Variants in CEP170 observed in about 807,000 individuals in gnomAD.
CEP170 encodes the protein centrosomal protein 170, also known as centrosomal protein of 170 kDa.
Under a neutral mutation model 151.9 loss-of-function variants are expected in CEP170, and 21 were observed. The ratio of observed to expected loss-of-function variants is 0.14; its 90% confidence interval spans 0.10 to 0.20. The LOEUF is 0.20. Ranked by LOEUF, CEP170 falls within the 10% of genes least tolerant of loss-of-function variation. The pLI is 1.00. For synonymous variants in CEP170, 356 were observed against 648.8 expected, an observed-to-expected ratio of 0.55 and a Z score of 6.86; for missense variants, 964 against 1,892.9, an observed-to-expected ratio of 0.51 and a Z score of 9.11.
chr1:243,171,864 A>G (rs2058869245), intron 11 of CEP170, among the ~76,000 whole-genome samples: 2 of 152,236 alleles, frequency 1.3e-5, no homozygotes, highest in Admixed American at 6.5e-5. Context: ...CTTTGAGCTA[A>G]AAGTGGCAGC....
chr1:243,178,186 G>A lies in CEP170; in HGVS notation c.1567-5340C>T, dbSNP rs572462623. On this transcript the variant is annotated intron_variant, in intron 10 of 19. Coordinates refer to ENST00000366542, the MANE Select transcript of CEP170 (RefSeq NM_014812.3). ...TATACTAAAAATACAAAAATTAACC[G>A]GGCGTGGTGGCAAGTGCTTGTAGTC... Among the ~76,000 whole-genome samples the A allele has an allele frequency of 1.6e-4, 24 of 151,628 alleles. No individual in the cohort carries two copies. The East Asian group carries it at 1.7e-3, about 11-fold the overall frequency.
chr1:243,169,081 T>C (rs1209877488), intron 12 of CEP170: 1 of 153,708 alleles, frequency 6.5e-6, no homozygotes, highest in African/African-American at 2.4e-5. Context: ...TATTTCCTTA[T>C]CTTCAGTTAA....
Position 243,126,263 on chromosome 1 carries a change from T to C in CEP170, c.*186A>G. 1 of 732,020 alleles carries C rather than the reference T, an allele frequency of 1.4e-6. No individual in the cohort carries two copies. Among genetic ancestry groups the C allele is most frequent in the Non-Finnish European group, 2.4e-6 (1 of 408,604 alleles). 45.3% of individuals were successfully genotyped at this position (732,020 alleles called of 1,614,324 possible). A position where few individuals can be genotyped will look rare whatever the true frequency, so the allele number is the denominator to read the frequency against. On this transcript the variant is annotated 3_prime_UTR_variant, in exon 20 of 20. Coordinates refer to ENST00000366542, the MANE Select transcript of CEP170 (RefSeq NM_014812.3). ...TTCCTATTTGTGCATCAAGTGGTTATCTAAATAGTTTGAAAGGATTGATAT... is the reference window on the plus strand; with the variant it reads ...TTCCTATTTGTGCATCAAGTGGTTACCTAAATAGTTTGAAAGGATTGATAT...
chr1:243,160,688 A>G (rs553130964), intron 13 of CEP170, among the ~76,000 whole-genome samples: 4 of 152,282 alleles, frequency 2.6e-5, no homozygotes, highest in African/African-American at 9.6e-5. Context: ...ACATGTTTTG[A>G]ATGTATATTT....
At chr1:243,140,311 A>G in intron 15 of CEP170, 1 of 773,992 alleles carries the variant, frequency 1.3e-6, no homozygotes, top group Non-Finnish European at 1.8e-6. Flanking sequence ...TCATCTACAC[A>G]GGTTTTATTT....
intron 3 of CEP170, among the ~76,000 whole-genome samples, chr1:243,217,314 G>T (rs1427658754): frequency 6.6e-6 from 1 of 152,176 alleles, no homozygotes; most frequent in Non-Finnish European, 1.5e-5. Flanking sequence ...ACTAGATACA[G>T]TATTGAAGAG....
chr1:243,239,666 T>C (rs574933457), intron 1 of CEP170, among the ~76,000 whole-genome samples: 1 of 152,272 alleles, frequency 6.6e-6, no homozygotes, highest in East Asian at 1.9e-4. Flanking sequence ...CATAGTGAGC[T>C]TTCTCCAGCA....
At chr1:243,130,060 T>G (rs1363032163) in intron 17 of CEP170, among the ~76,000 whole-genome samples, 1 of 152,156 alleles carries the variant, frequency 6.6e-6, no homozygotes, top group Non-Finnish European at 1.5e-5. Flanking sequence ...GTGTCAGGCA[T>G]CCAGTGGGTA....
chr1:243,206,510 C>T (rs2148875325), intron 4 of CEP170, among the ~76,000 whole-genome samples: 1 of 152,262 alleles, frequency 6.6e-6, no homozygotes, highest in South Asian at 2.1e-4. Context: ...CCAGCAAAGC[C>T]ATAGTACAAG....
intron 1 of CEP170, among the ~76,000 whole-genome samples, chr1:243,243,994 CT>C (rs1295539429): frequency 6.6e-6 from 1 of 151,950 alleles, no homozygotes; most frequent in Non-Finnish European, 1.5e-5. Flanking sequence ...TTTTAACTGT[CT>C]TTTTTTTAAT....
At chr1:243,145,495 G>A (rs2789222) in intron 14 of CEP170, among the ~76,000 whole-genome samples, 1 of 152,356 alleles carries the variant, frequency 6.6e-6, no homozygotes, top group Non-Finnish European at 1.5e-5. Context: ...GGATGGTCTC[G>A]ATCTCTTGAC....
chr1:243,140,277 G>T (rs181837147), intron 15 of CEP170, 170 bp from the exon 16 acceptor site: 27 of 987,930 alleles, frequency 2.7e-5, no homozygotes, highest in Non-Finnish European at 3.1e-5. Flanking sequence ...CACTTCAAAT[G>T]TATTTCCTTT....
intron 1 of CEP170, among the ~76,000 whole-genome samples, chr1:243,251,202 T>C (rs1322200516): frequency 6.6e-6 from 1 of 152,216 alleles, no homozygotes; most frequent in African/African-American, 2.4e-5. Context: ...GGCTTTCCTA[T>C]GCCCAGGGAA....
At chr1:243,178,952 T>C (rs561334035) in intron 10 of CEP170, among the ~76,000 whole-genome samples, 1 of 152,292 alleles carries the variant, frequency 6.6e-6, no homozygotes, top group African/African-American at 2.4e-5. Context: ...TCTCCTGACC[T>C]CGTGATCACC....
At chr1:243,244,056 A>T (rs2065120985) in intron 1 of CEP170, among the ~76,000 whole-genome samples, 1 of 152,212 alleles carries the variant, frequency 6.6e-6, no homozygotes, top group Admixed American at 6.5e-5. Context: ...GGAAAATGTA[A>T]AACTGAAACA....
intron 8 of CEP170, among the ~76,000 whole-genome samples, chr1:243,188,183 G>T (rs1277358667): frequency 6.6e-6 from 1 of 152,098 alleles, no homozygotes; most frequent in Admixed American, 6.6e-5. Flanking sequence ...TATTGAAAAG[G>T]AATCCAGTTT....
chr1:243,126,960 G>A (rs983114982), intron 19 of CEP170, among the ~76,000 whole-genome samples: 1 of 152,062 alleles, frequency 6.6e-6, no homozygotes, highest in African/African-American at 2.4e-5. Flanking sequence ...TGGCACTTAC[G>A]GGCATTTCAG....
In CEP170 at chr1:243,218,020, C is replaced by A. The variant is rs1354395802; in HGVS notation, c.195+3704G>T. 2.6e-5 allele frequency among the ~76,000 whole-genome samples: 4 copies of A among 152,192 alleles called. No individual in the cohort carries two copies. The East Asian group carries it at 7.7e-4, about 29-fold the overall frequency. Reference sequence around the variant, plus strand: ...AAGCAAACCAAACTTAAATAAATACCTATTTAATTTACATACAACTACATG... The same window carrying A: ...AAGCAAACCAAACTTAAATAAATACATATTTAATTTACATACAACTACATG... On this transcript the variant is annotated intron_variant, in intron 3 of 19. Transcript: ENST00000366542.
rs1055125313 is a variant in CEP170, at chr1:243,254,847, C to T, written c.-42+193G>A. ...CGTCAAGCCCCGGGTCCCAGGCGGG[C>T]AGAGGGTGGGGGTGGCGGCGCCGCG... On this transcript the variant is annotated intron_variant, in intron 1 of 19. Coordinates refer to ENST00000366542, the MANE Select transcript of CEP170 (RefSeq NM_014812.3). Among the ~76,000 whole-genome samples the T allele has an allele frequency of 2.0e-5, 3 of 151,498 alleles. No individual in the cohort carries two copies. In the East Asian group the frequency reaches 5.9e-4, roughly 30 times the overall value.
Sources: gnomAD v4.1 joint callset for allele counts (sites outside exome capture counted in the v4.1 genomes callset) on GRCh38, gnomAD v4.1.1 for gene constraint, MANE v1.5 for transcripts, NCBI Gene and HGNC (gene_info 2026-07-23, HGNC 2026-07-21) for gene names.